The following PLXNA1 variants were observed in gnomAD, a reference collection of about 807,000 sequenced individuals.
PLXNA1 encodes plexin-A1.
A neutral mutation model predicts 191.7 loss-of-function variants in PLXNA1; 77 were observed. The observed-to-expected ratio is 0.40, with a 90% CI of 0.33 to 0.49. The LOEUF (loss-of-function observed/expected upper bound fraction) is 0.49, where lower values mean the gene tolerates loss of function less well. Among genes scored for constraint, PLXNA1 ranks in the 20% least tolerant of loss-of-function variants. The probability of loss-of-function intolerance (pLI) is 0.63; values close to 1 mark genes in which losing one functional copy is unlikely to be tolerated. For missense variants in PLXNA1, 2,110 were observed against 2,660.2 expected, an observed-to-expected ratio of 0.79 and a Z score of 4.55; for synonymous variants, 1,137 against 1,156.4, an observed-to-expected ratio of 0.98 and a Z score of 0.34.
rs1036372922 is a variant in PLXNA1, at chr3:127,009,878, C to T, written c.2112+1965C>T. The stretch of plus-strand genomic sequence containing the variant: ...AAGGGCTCCCACGTGGAGCCCCCAC[C>T]GAAGCTGAGCTCATGAGACACGCTG... On this transcript the variant is annotated intron_variant, in intron 9 of 31. Coordinates refer to ENST00000393409, the MANE Select transcript of PLXNA1 (RefSeq NM_032242.4). Among the ~76,000 whole-genome samples, 6 of 152,224 alleles carry T rather than the reference C, an allele frequency of 3.9e-5. No homozygotes were observed. In the Middle Eastern group the frequency reaches 9.5e-3, roughly 241 times the overall value.
chr3:127,030,501 C>G (rs2079203877), intron 29 of PLXNA1, 89 bp downstream of exon 29: 1 of 1,490,960 alleles, frequency 6.7e-7, no homozygotes, highest in African/African-American at 1.4e-5. Flanking sequence ...TCCGGAGCCC[C>G]CACTTGGGGC....
Position 127,015,294 on chromosome 3 carries a change from C to T in PLXNA1, c.2988C>T (p.Val996=), listed in dbSNP as rs777274566. 5.6e-6 allele frequency: 9 copies of T among 1,600,246 alleles called. No individual in the cohort carries two copies. The highest frequency in any genetic ancestry group is 4.5e-5 in the East Asian group (2 of 44,220). Residue 996 remains valine (V), a synonymous_variant, in exon 15 of 32, where the codon GTC becomes GTT. Coordinates refer to ENST00000393409, the MANE Select transcript of PLXNA1 (RefSeq NM_032242.4). ...LNAGSDVAVS[V]GGRPCSFSWR... ...CAGGCAGTGATGTGGCTGTGTCGGT[C>T]GGTGGCCGGCCCTGCTCCTTCTCCT...
chr3:127,030,044 A>G lies in PLXNA1; in HGVS notation c.5041A>G (p.Thr1681Ala). 1 of 1,612,174 alleles carries G rather than the reference A, an allele frequency of 6.2e-7. No homozygotes were observed. Among genetic ancestry groups the G allele is most frequent in the Non-Finnish European group, 8.5e-7 (1 of 1,178,764 alleles). Residue 1681 changes from threonine (T) to alanine (A), a missense_variant, in exon 28 of 32, where the codon ACA becomes GCA. Around this residue, in one of 4 missense-constraint regions of PLXNA1, gnomAD observed 559 missense variants for 911.5 expected, o/e 0.61. Coordinates refer to ENST00000393409, the MANE Select transcript of PLXNA1 (RefSeq NM_032242.4). ...GSKMVSEIYLTRLLATKGTLQ... is the reference protein window; with the variant it reads ...GSKMVSEIYLARLLATKGTLQ... The stretch of plus-strand genomic sequence containing the variant: ...CAAGATGGTCTCGGAGATCTACTTG[A>G]CACGGCTACTGGCCACCAAGGTGGG...
At chr3:127,015,630 A>T (rs1009206062) in intron 15 of PLXNA1, among the ~76,000 whole-genome samples, 2 of 152,236 alleles carry the variant, frequency 1.3e-5, no homozygotes, top group African/African-American at 4.8e-5. Context: ...AATTTTTAAG[A>T]GAGAAAACAG....
At chr3:127,008,479 T>C (rs927110642) in intron 9 of PLXNA1, among the ~76,000 whole-genome samples, 3 of 152,314 alleles carry the variant, frequency 2.0e-5, no homozygotes, top group Admixed American at 2.0e-4. Flanking sequence ...AACAGCAGGC[T>C]GTTCCTTCTG....
At position 127,003,267 on chromosome 3, in the gene PLXNA1, G is replaced by A. The variant is rs549041114; in HGVS notation, c.1378-63G>A. On this transcript the variant is annotated intron_variant, in intron 3 of 31. Transcript: ENST00000393409. ...GGCTTTAGACCCCTGACCTTCTGTG[G>A]GGGGTGGGGCTGGGTCAGGGAGGTA... 8 of 1,493,152 alleles carry A rather than the reference G, an allele frequency of 5.4e-6. No individual in the cohort carries two copies. The African/African-American group carries it at 8.3e-5, about 16-fold the overall frequency. The allele number at this position is 1,493,152 out of a possible 1,614,324, so 92.5% of individuals were successfully genotyped here.
intron 23 of PLXNA1, among the ~76,000 whole-genome samples, chr3:127,023,336 C>T (rs542499996): frequency 2.0e-5 from 3 of 152,230 alleles, no homozygotes; most frequent in Non-Finnish European, 4.4e-5. Flanking sequence ...TCTGGGTGGG[C>T]TTTATCTGGG....
In PLXNA1 at chr3:127,016,656, AGGATCGACCCCGAGT is replaced by A; in HGVS notation, c.3158_3172del (p.Ile1053_Trp1057del). On this transcript the variant is annotated inframe_deletion, in exon 16 of 32. Coordinates refer to ENST00000393409, the MANE Select transcript of PLXNA1 (RefSeq NM_032242.4). ...CTACACCGAGGACCCCACCATCCTG[AGGATCGACCCCGAGT>A]GGAGCATCAACAGGTGGGGCCCAGC... 6.2e-7 allele frequency: 1 copy of A among 1,613,972 alleles called. No individual in the cohort carries two copies. The highest frequency in any genetic ancestry group is 8.5e-7 in the Non-Finnish European group (1 of 1,179,934).
At chr3:127,016,467 G>T (rs780778445) in intron 15 of PLXNA1, 50 bp from the exon 16 acceptor site, 2 of 1,577,856 alleles carry the variant, frequency 1.3e-6, no homozygotes, top group South Asian at 1.1e-5. Context: ...CATTCCACCT[G>T]CCTGGGTTCC....
In PLXNA1 at chr3:127,018,401, G is replaced by A. The variant is rs557846130; in HGVS notation, c.3768G>A (p.Leu1256=). Residue 1256 remains leucine, a synonymous_variant, in exon 20 of 32, where the codon CTG becomes CTA. Coordinates refer to ENST00000393409, the MANE Select transcript of PLXNA1 (RefSeq NM_032242.4). ...GCATTGGCGGAGGCGGGGGTCTCCT[G>A]CTGCTGGTCATCGTGGCTGTGCTCA... ...IVGIGGGGGL[L]LLVIVAVLIA... is the part of the protein sequence containing the mutation. 2 of 1,613,044 alleles carry A rather than the reference G, an allele frequency of 1.2e-6. No individual in the cohort carries two copies. Among genetic ancestry groups the A allele is most frequent in the African/African-American group, 2.7e-5 (2 of 75,064 alleles).
chr3:127,031,082 A>C (rs1012796179), intron 29 of PLXNA1, among the ~76,000 whole-genome samples: 2 of 151,980 alleles, frequency 1.3e-5, no homozygotes, highest in African/African-American at 4.8e-5. Flanking sequence ...GGCCTGGCCC[A>C]CCCCTGGGAC....
chr3:127,032,678 AC>A lies in PLXNA1; in HGVS notation c.5445-6del, dbSNP rs2079217980. 1 of 1,612,786 alleles carries A rather than the reference AC, an allele frequency of 6.2e-7. No homozygotes were observed. The highest frequency in any genetic ancestry group is 8.5e-7 in the Non-Finnish European group (1 of 1,179,760). ...TGCTCATGTGCCCACCTGGCCACTC[AC>A]CTGCAGGTACTATGCAGACATCGCC... On this transcript the variant is annotated splice_polypyrimidine_tract_variant and splice_region_variant and intron_variant, in intron 30 of 31. Transcript: ENST00000393409.
At chr3:126,991,242 C>A in intron 2 of PLXNA1, 142 bp from the exon 3 acceptor site, 1 of 837,674 alleles carries the variant, frequency 1.2e-6, no homozygotes, top group Non-Finnish European at 1.8e-6. Context: ...CTGTCTTAAA[C>A]CCTCTCTGTC....
chr3:127,006,321 T>C (rs2079068987), intron 8 of PLXNA1, 143 bp downstream of exon 8: 1 of 700,920 alleles, frequency 1.4e-6, no homozygotes, highest in South Asian at 1.7e-5. Flanking sequence ...TTGGGGCTCC[T>C]GAGGCTGGGC....
At chr3:126,983,744 C>T (rs1196179268) in intron 1 of PLXNA1, among the ~76,000 whole-genome samples, 1 of 151,596 alleles carries the variant, frequency 6.6e-6, no homozygotes, top group Non-Finnish European at 1.5e-5. Context: ...TGTCCAGGCC[C>T]GTCCCGGCCG....
intron 20 of PLXNA1, 146 bp downstream of exon 20, chr3:127,018,674 T>A: frequency 1.4e-6 from 1 of 705,272 alleles, no homozygotes; most frequent in Non-Finnish European, 2.3e-6. Flanking sequence ...CCAGAGCTGG[T>A]CCCAGGGCAG....
chr3:127,029,421 C>T lies in PLXNA1; in HGVS notation c.4774-19C>T. The stretch of plus-strand genomic sequence containing the variant: ...GGGCACCCTGGTGGGTCACAGGGTC[C>T]CTGGCCCTCTGCCCACAGGTGACAG... On this transcript the variant is annotated intron_variant, in intron 26 of 31. Transcript: ENST00000393409. 2 of 1,611,938 alleles carry T rather than the reference C, an allele frequency of 1.2e-6. No individual in the cohort carries two copies. The highest frequency in any genetic ancestry group is 2.2e-5 in the East Asian group (1 of 44,854).
rs532516081 is a variant in PLXNA1, at chr3:127,009,283, C to A, written c.2112+1370C>A. Reference sequence around the variant, plus strand: ...TCAGTGGCAGCCTTCCCTGAGCCCTCCCCATCCATGCCATGAACTTCGAGG... The same window carrying A: ...TCAGTGGCAGCCTTCCCTGAGCCCTACCCATCCATGCCATGAACTTCGAGG... On this transcript the variant is annotated intron_variant, in intron 9 of 31. Transcript: ENST00000393409. 2.0e-5 allele frequency among the ~76,000 whole-genome samples: 3 copies of A among 152,126 alleles called. No homozygotes were observed. In the South Asian group the frequency reaches 6.2e-4, roughly 32 times the overall value.
chr3:126,983,237 G>A lies in PLXNA1; in HGVS notation c.-124G>A, dbSNP rs979838795. Among the ~76,000 whole-genome samples the A allele has an allele frequency of 1.4e-5, 2 of 143,660 alleles. No homozygotes were observed. The highest frequency in any genetic ancestry group is 5.0e-5 in the African/African-American group (2 of 40,120). 94.2% of individuals were successfully genotyped at this position (143,660 alleles called of 152,430 possible). A position where few individuals can be genotyped will look rare whatever the true frequency, so the allele number is the denominator to read the frequency against. ...CGGGGCGGACGGCGGCGGCGGCGCG[G>A]GCGGCTGGGCGCGGCGATGGCCGGC... On this transcript the variant is annotated 5_prime_UTR_variant, in exon 1 of 32. Transcript: ENST00000393409.
Sources: allele counts gnomAD v4.1 joint callset (sites outside exome capture counted in the v4.1 genomes callset), GRCh38; gene constraint gnomAD v4.1.1; regional missense constraint gnomAD v4.1.1; transcripts MANE v1.5; gene names NCBI Gene and HGNC (gene_info 2026-07-23, HGNC 2026-07-21).